Variants in PIK3C2A observed in about 807,000 individuals in gnomAD.
The protein encoded by PIK3C2A is phosphatidylinositol 4-phosphate 3-kinase C2 domain-containing subunit alpha.
In PIK3C2A, 97 loss-of-function variants were observed where a neutral mutation model predicts 204.5. The ratio of observed to expected loss-of-function variants is 0.47; its 90% CI spans 0.40 to 0.56. PIK3C2A has a LOEUF of 0.56. Among genes scored for constraint, PIK3C2A ranks in the 20% least tolerant of loss-of-function variants. The probability of loss-of-function intolerance (pLI) is 0.00; values close to 1 mark genes in which losing one functional copy is unlikely to be tolerated. For missense variants in PIK3C2A, 1,735 were observed against 1,969.2 expected, an observed-to-expected ratio of 0.88 and a Z score of 2.25; for synonymous variants, 653 against 664.4, an observed-to-expected ratio of 0.98 and a Z score of 0.26.
chr11:17,197,210 C>T lies in PIK3C2A; in HGVS notation c.-66+10638G>A, dbSNP rs182504556. Among the ~76,000 whole-genome samples the T allele has an allele frequency of 9.2e-5, 14 of 152,026 alleles. No individual in the cohort carries two copies. The East Asian group carries it at 2.5e-3, about 27-fold the overall frequency. Reference sequence around the variant, plus strand: ...TAATTTTTTATTTTTAGTAGAGATGCGGTTTCACCATGTTGCCCATGCTGG... The same window carrying T: ...TAATTTTTTATTTTTAGTAGAGATGTGGTTTCACCATGTTGCCCATGCTGG... On this transcript the variant is annotated intron_variant, in intron 1 of 32. Transcript: ENST00000691414.
intron 15 of PIK3C2A, 40 bp from the exon 16 acceptor site, chr11:17,120,014 C>T: frequency 1.2e-6 from 1 of 858,500 alleles, no homozygotes; most frequent in Admixed American, 2.8e-5. Flanking sequence ...TCAGTGATAA[C>T]ATAATGATAT....
chr11:17,161,801 T>C (rs897755806), intron 2 of PIK3C2A, among the ~76,000 whole-genome samples: 3 of 152,152 alleles, frequency 2.0e-5, no homozygotes, highest in East Asian at 3.8e-4. Flanking sequence ...AGAATAGGCA[T>C]TGCAATATTA....
chr11:17,094,445 C>T (rs1848396903), intron 27 of PIK3C2A, 60 bp from the exon 28 acceptor site: 16 of 1,402,078 alleles, frequency 1.1e-5, no homozygotes, highest in South Asian at 1.0e-4. Context: ...CTTTCCAGGC[C>T]GGGTGCAGTG....
intron 23 of PIK3C2A, 133 bp from the exon 24 acceptor site, chr11:17,102,964 G>A: frequency 3.5e-6 from 2 of 564,746 alleles, no homozygotes; most frequent in East Asian, 3.1e-5. Flanking sequence ...ATACAAACTG[G>A]GATATAGTAA....
intron 3 of PIK3C2A, among the ~76,000 whole-genome samples, chr11:17,151,760 T>A (rs960847038): frequency 7.9e-5 from 12 of 152,206 alleles, no homozygotes; most frequent in Non-Finnish European, 1.5e-4. Flanking sequence ...ACACAGTAAG[T>A]GCTTTAACCT....
chr11:17,142,644 C>CA (rs1191583884), intron 8 of PIK3C2A, among the ~76,000 whole-genome samples: 1 of 150,258 alleles, frequency 6.7e-6, no homozygotes, highest in Non-Finnish European at 1.5e-5. Context: ...GAGAAATCTG[C>CA]AGGGGGTTGC....
intron 1 of PIK3C2A, chr11:17,193,409 T>G (rs1197759353): frequency 4.0e-5 from 11 of 274,012 alleles, no homozygotes; most frequent in Non-Finnish European, 7.2e-5. Context: ...CTAAAGGTAT[T>G]AACAGAAATT....
At chr11:17,156,670 T>C (rs1850603212) in intron 2 of PIK3C2A, among the ~76,000 whole-genome samples, 1 of 152,208 alleles carries the variant, frequency 6.6e-6, no homozygotes, top group Non-Finnish European at 1.5e-5. Flanking sequence ...AAAATTAAAC[T>C]GAAAATTTAG....
At chr11:17,133,924 T>C (rs1476276618) in intron 11 of PIK3C2A, among the ~76,000 whole-genome samples, 1 of 151,410 alleles carries the variant, frequency 6.6e-6, no homozygotes, top group African/African-American at 2.4e-5. Context: ...CAAGACTCCA[T>C]CTCAAAAAAA....
chr11:17,128,894 AT>A (rs1849605501), intron 13 of PIK3C2A, among the ~76,000 whole-genome samples: 1 of 152,232 alleles, frequency 6.6e-6, no homozygotes, highest in Admixed American at 6.5e-5. Context: ...GAAGGGAATA[AT>A]GTGCACCTAT....
intron 1 of PIK3C2A, among the ~76,000 whole-genome samples, chr11:17,180,598 G>C (rs564195842): frequency 6.6e-6 from 1 of 151,350 alleles, no homozygotes; most frequent in Non-Finnish European, 1.5e-5. Context: ...GAGACAGGTG[G>C]ATCACCTGAG....
In PIK3C2A at chr11:17,091,980, A is replaced by G; in HGVS notation, c.4642+16T>C. On this transcript the variant is annotated intron_variant, in intron 30 of 32. Coordinates refer to ENST00000691414, the MANE Select transcript of PIK3C2A (RefSeq NM_002645.4). ...AGATCATGAGTTACCAATAAAGAGA[A>G]AAAAAATAATCTCACCTGCAGACCT... 6.4e-7 allele frequency: 1 copy of G among 1,556,706 alleles called. No individual in the cohort carries two copies. Among genetic ancestry groups the G allele is most frequent in the Non-Finnish European group, 8.9e-7 (1 of 1,128,626 alleles).
rs71047535 is a variant in PIK3C2A, at chr11:17,181,659, T to TACACACAC, written c.-65-11861_-65-11854dup. Reference sequence around the variant, plus strand: ...ATATATATATATATATATATATATATACACACACACACACACACACACACA... The same window carrying TACACACAC: ...ATATATATATATATATATATATATATACACACACACACACACACACACACACACACACA... On this transcript the variant is annotated intron_variant, in intron 1 of 32. Transcript: ENST00000691414. Among the ~76,000 whole-genome samples, 483 of 112,944 alleles carry TACACACAC rather than the reference T, an allele frequency of 4.3e-3. 14 individuals are homozygous for TACACACAC. Among genetic ancestry groups the TACACACAC allele is most frequent in the African/African-American group, 0.016 (366 of 22,508 alleles). The allele number at this position is 112,944 out of a possible 152,430, so 74.1% of individuals were successfully genotyped here. A position where few individuals can be genotyped will look rare whatever the true frequency, so the allele number is the denominator to read the frequency against.
chr11:17,101,928 C>T (rs891340257), intron 24 of PIK3C2A, among the ~76,000 whole-genome samples: 2 of 151,926 alleles, frequency 1.3e-5, no homozygotes, highest in Non-Finnish European at 2.9e-5. Context: ...TTCAAGAAAG[C>T]TATCACATAA....
chr11:17,148,869 T>C, intron 4 of PIK3C2A, 82 bp from the exon 5 acceptor site: 1 of 1,120,630 alleles, frequency 8.9e-7, no homozygotes, highest in Admixed American at 2.4e-5. Context: ...AAGACAGCAG[T>C]ATACAATAGA....
At chr11:17,110,965 A>T (rs919273715) in intron 21 of PIK3C2A, among the ~76,000 whole-genome samples, 6 of 151,864 alleles carry the variant, frequency 4.0e-5, no homozygotes, top group Admixed American at 1.3e-4. Context: ...TGGAGTGCAG[A>T]GGGGTCATCT....
chr11:17,099,239 T>C (rs930618781), intron 26 of PIK3C2A, among the ~76,000 whole-genome samples: 1 of 152,212 alleles, frequency 6.6e-6, no homozygotes. Flanking sequence ...GTACCAGTCA[T>C]TGGTATATGT....
chr11:17,118,588 C>T, intron 18 of PIK3C2A, 57 bp downstream of exon 18: 1 of 786,286 alleles, frequency 1.3e-6, no homozygotes, highest in Non-Finnish European at 2.2e-6. Context: ...ACAGGGTATG[C>T]CATTTCTATA....
intron 11 of PIK3C2A, among the ~76,000 whole-genome samples, chr11:17,134,176 T>A (rs1356237509): frequency 6.6e-6 from 1 of 152,174 alleles, no homozygotes; most frequent in Non-Finnish European, 1.5e-5. Flanking sequence ...TTTTACAAGA[T>A]CAGAATAGTT....
Sources: allele counts gnomAD v4.1 joint callset (sites outside exome capture counted in the v4.1 genomes callset), GRCh38; gene constraint gnomAD v4.1.1; transcripts MANE v1.5; gene names NCBI Gene and HGNC (gene_info 2026-07-23, HGNC 2026-07-21).